Variants in CD274 observed in about 807,000 individuals in gnomAD.
CD274 encodes programmed cell death 1 ligand 1.
Under a neutral mutation model 30.1 loss-of-function variants are expected in CD274, and 8 were observed. That is an observed-to-expected ratio of 0.27 (90% CI 0.16 to 0.48). CD274 has a LOEUF of 0.48. Among genes scored for constraint, CD274 ranks in the 20% least tolerant of loss-of-function variants. The pLI is 0.99. For missense variants in CD274, 353 were observed against 346.6 expected (o/e 1.02, Z -0.15); for synonymous variants, 152 against 124.6 (o/e 1.22, Z -1.46).
chr9:5,467,891 C>T lies in CD274; in HGVS notation c.*29C>T. 1 of 1,595,302 alleles carries T rather than the reference C, an allele frequency of 6.3e-7. No homozygotes were observed. Among genetic ancestry groups the T allele is most frequent in the African/African-American group, 1.3e-5 (1 of 74,654 alleles). ...AGCATTGGAACTTCTGATCTTCAAG[C>T]AGGGATTCTCAACCTGTGGTTTAGG... is the stretch of plus-strand genomic sequence containing the variant. On this transcript the variant is annotated 3_prime_UTR_variant, in exon 7 of 7. Coordinates refer to ENST00000381577, the MANE Select transcript of CD274 (RefSeq NM_014143.4).
intron 6 of CD274, among the ~76,000 whole-genome samples, chr9:5,467,362 T>G (rs111960946): frequency 5.9e-5 from 9 of 152,220 alleles, no homozygotes; most frequent in African/African-American, 1.7e-4. Flanking sequence ...ACCCTTACTC[T>G]TAACCCATCT....
intron 6 of CD274, among the ~76,000 whole-genome samples, chr9:5,467,202 AAG>A (rs79234686): frequency 5.5e-4 from 82 of 149,260 alleles, no homozygotes; most frequent in Non-Finnish European, 4.9e-4. Context: ...GCCATTACCA[AAG>A]AGAGAGAGAG....
intron 1 of CD274, among the ~76,000 whole-genome samples, chr9:5,451,542 A>T (rs7029049): frequency 1.3e-5 from 2 of 152,340 alleles, no homozygotes; most frequent in African/African-American, 4.8e-5. Flanking sequence ...GAAAGGATGT[A>T]TCAGTTGACA....
rs779605993 is a variant in CD274, at chr9:5,457,350, T to G, written c.324T>G (p.Asp108Glu). The G allele has an allele frequency of 6.2e-7, 1 of 1,614,156 alleles. No homozygotes were observed. Among genetic ancestry groups the G allele is most frequent in the Non-Finnish European group, 8.5e-7 (1 of 1,180,002 alleles). Reference sequence around the variant, plus strand: ...AGATCACAGATGTGAAATTGCAGGATGCAGGGGTGTACCGCTGCATGATCA... The same window carrying G: ...AGATCACAGATGTGAAATTGCAGGAGGCAGGGGTGTACCGCTGCATGATCA... ...ALQITDVKLQ[D>E]AGVYRCMISY... Residue 108 changes from aspartate (D) to glutamate (E), a missense_variant, in exon 3 of 7, where the codon GAT becomes GAG. By Grantham distance (45) the Asp-to-Glu change is conservative. Transcript: ENST00000381577.
Position 5,469,333 on chromosome 9 carries a change from A to G in CD274, c.*1471A>G, listed in dbSNP as rs991258478. The G allele has an allele frequency of 3.4e-5, 8 of 232,670 alleles. No individual in the cohort carries two copies. Among genetic ancestry groups the G allele is most frequent in the Middle Eastern group, 1.2e-3 (1 of 808 alleles). 14.4% of individuals were successfully genotyped at this position (232,670 alleles called of 1,614,324 possible). On this transcript the variant is annotated 3_prime_UTR_variant, in exon 7 of 7. Transcript: ENST00000381577. Reference sequence around the variant, plus strand: ...TAAATTCATACCTTTCCATGATTCAAAATTCAAAAGATCCCATGGGAGATG... The same window carrying G: ...TAAATTCATACCTTTCCATGATTCAGAATTCAAAAGATCCCATGGGAGATG...
chr9:5,457,757 A>G (rs1244872051), intron 3 of CD274, among the ~76,000 whole-genome samples: 2 of 152,348 alleles, frequency 1.3e-5, no homozygotes, highest in Non-Finnish European at 1.5e-5. Flanking sequence ...AATGAATTGC[A>G]AAAGTGTCCC....
In CD274 at chr9:5,468,054, CA is replaced by C; in HGVS notation, c.*193del. On this transcript the variant is annotated 3_prime_UTR_variant, in exon 7 of 7. Transcript: ENST00000381577. ...GAGAATGAAGAAAGATGGAGTCAAA[CA>C]GGGAGCCTGGAGGGAGACCTTGATA... 1.6e-6 allele frequency: 1 copy of C among 611,970 alleles called. No individual in the cohort carries two copies. Among genetic ancestry groups the C allele is most frequent in the South Asian group, 2.0e-5 (1 of 49,246 alleles). 37.9% of individuals were successfully genotyped at this position (611,970 alleles called of 1,614,324 possible).
chr9:5,467,628 G>T (rs373791384), intron 6 of CD274, among the ~76,000 whole-genome samples: 1 of 152,090 alleles, frequency 6.6e-6, no homozygotes, highest in Non-Finnish European at 1.5e-5. Context: ...GTCATGCTGG[G>T]GGACAAGCCA....
intron 1 of CD274, among the ~76,000 whole-genome samples, chr9:5,455,532 A>AG (rs1819285908): frequency 6.6e-6 from 1 of 152,212 alleles, no homozygotes. Context: ...TATTGAGAGA[A>AG]TAGATTTATA....
chr9:5,451,924 T>G (rs1819211343), intron 1 of CD274, among the ~76,000 whole-genome samples: 1 of 151,928 alleles, frequency 6.6e-6, no homozygotes, highest in African/African-American at 2.4e-5. Context: ...CAGGCGATCC[T>G]CCCTCCTCAG....
At chr9:5,460,791 T>A (rs1476539633) in intron 3 of CD274, among the ~76,000 whole-genome samples, 1 of 152,210 alleles carries the variant, frequency 6.6e-6, no homozygotes, top group Non-Finnish European at 1.5e-5. Flanking sequence ...GCAAAAATTT[T>A]GATTACTCAT....
At chr9:5,450,712 G>A (rs1038695633) in intron 1 of CD274, 116 bp downstream of exon 1, 2 of 152,302 alleles carry the variant, frequency 1.3e-5, no homozygotes, top group African/African-American at 4.8e-5. Flanking sequence ...AGAGGAGAAG[G>A]GAAAGGGAAC....
intron 6 of CD274, 59 bp downstream of exon 6, chr9:5,466,888 A>G (rs971883151): frequency 1.0e-5 from 13 of 1,279,966 alleles, no homozygotes; most frequent in African/African-American, 1.5e-5. Flanking sequence ...AGCTAAAGCA[A>G]TAACAAAGAG....
At chr9:5,461,472 G>A (rs1048869420) in intron 3 of CD274, among the ~76,000 whole-genome samples, 1 of 152,086 alleles carries the variant, frequency 6.6e-6, no homozygotes, top group Non-Finnish European at 1.5e-5. Flanking sequence ...TGGTTTCATT[G>A]ATATAGGAGT....
At chr9:5,464,715 G>A (rs1461431811) in intron 4 of CD274, among the ~76,000 whole-genome samples, 1 of 152,204 alleles carries the variant, frequency 6.6e-6, no homozygotes, top group African/African-American at 2.4e-5. Context: ...GAGCTCCTTA[G>A]CAGTGCTGGT....
intron 3 of CD274, among the ~76,000 whole-genome samples, chr9:5,460,265 C>A (rs1819381051): frequency 1.3e-5 from 2 of 152,120 alleles, no homozygotes; most frequent in African/African-American, 4.8e-5. Flanking sequence ...AAAGGGTACA[C>A]TGGAGCAGCA....
At chr9:5,457,504 T>C in intron 3 of CD274, 84 bp downstream of exon 3, 1 of 1,084,352 alleles carries the variant, frequency 9.2e-7, no homozygotes, top group Admixed American at 2.3e-5. Flanking sequence ...TGTAAGTCCA[T>C]ACTTATTTTC....
At chr9:5,452,504 G>A (rs192474052) in intron 1 of CD274, among the ~76,000 whole-genome samples, 113 of 152,312 alleles carry the variant, frequency 7.4e-4, no homozygotes, top group African/African-American at 2.7e-3. Context: ...TCGGATATGG[G>A]AATTCACATA....
chr9:5,465,097 A>AT (rs1238092644), intron 4 of CD274, among the ~76,000 whole-genome samples: 1 of 152,090 alleles, frequency 6.6e-6, no homozygotes, highest in Admixed American at 6.5e-5. Context: ...AAAAAAAAAA[A>AT]AAAAAAGCAA....
Sources: allele counts gnomAD v4.1 joint callset (sites outside exome capture counted in the v4.1 genomes callset), GRCh38; gene constraint gnomAD v4.1.1; transcripts MANE v1.5; gene names NCBI Gene and HGNC (gene_info 2026-07-23, HGNC 2026-07-21).